Variants in LRRFIP1 observed in about 807,000 individuals in gnomAD.
LRRFIP1 encodes the protein leucine-rich repeat flightless-interacting protein 1.
LRRFIP1 carries 62 observed loss-of-function variants against 104.4 expected under a neutral mutation model. That is an observed-to-expected ratio of 0.59 (90% confidence interval 0.48 to 0.73). The LOEUF is 0.73. Ranked by LOEUF, LRRFIP1 falls within the 30% of genes least tolerant of loss-of-function variation. The pLI is 0.00. For synonymous variants in LRRFIP1, 300 were observed against 299.0 expected, an observed-to-expected ratio of 1.00 and a Z score of -0.03; for missense variants, 796 against 824.5, an observed-to-expected ratio of 0.97 and a Z score of 0.42.
rs2093667694 is a variant in LRRFIP1 at position 237,703,868 on chromosome 2, A to G, written c.97-4676A>G. ...CCTCCCCGGGCCACGGTCAGCCCAC[A>G]GGCTACTCACAGAAAGTGACAGGCC... On this transcript the variant is annotated intron_variant, in intron 1 of 23. Coordinates refer to ENST00000308482, the MANE Select transcript of LRRFIP1 (RefSeq NM_001137550.2). The surrounding 1 kb of genome is among the most constrained non-coding windows in gnomAD (Gnocchi z 4.3). Among the ~76,000 whole-genome samples the G allele has an allele frequency of 6.6e-6, 1 of 152,078 alleles. No individual in the cohort carries two copies. Among genetic ancestry groups the G allele is most frequent in the African/African-American group, 2.4e-5 (1 of 41,418 alleles).
At chr2:237,710,580 C>G (rs2094023147) in intron 2 of LRRFIP1, among the ~76,000 whole-genome samples, 1 of 152,136 alleles carries the variant, frequency 6.6e-6, no homozygotes, top group South Asian at 2.1e-4. Context: ...AGCCATCACA[C>G]CGGCCCCATA....
At chr2:237,744,585 A>T (rs1459873739) in intron 11 of LRRFIP1, among the ~76,000 whole-genome samples, 2 of 152,250 alleles carry the variant, frequency 1.3e-5, no homozygotes, top group African/African-American at 4.8e-5. Context: ...TCCTTGAAGC[A>T]TTTGTTTTTG....
intron 1 of LRRFIP1, among the ~76,000 whole-genome samples, chr2:237,686,186 A>G: frequency 6.6e-6 from 1 of 152,164 alleles, no homozygotes; most frequent in Non-Finnish European, 1.5e-5. Flanking sequence ...GGTGCCTGTT[A>G]GACTCCTCCA....
At chr2:237,762,235 A>G (rs1187719662) in intron 19 of LRRFIP1, among the ~76,000 whole-genome samples, 1 of 152,224 alleles carries the variant, frequency 6.6e-6, no homozygotes, top group Non-Finnish European at 1.5e-5. Flanking sequence ...TTGAGAAGTG[A>G]GAGTGGGGAA....
At chr2:237,738,190 G>T (rs559185274) in intron 10 of LRRFIP1, among the ~76,000 whole-genome samples, 16 of 149,518 alleles carry the variant, frequency 1.1e-4, no homozygotes, top group African/African-American at 3.2e-4. Context: ...GATGAGATCT[G>T]GAGCACCCAT....
intron 8 of LRRFIP1, among the ~76,000 whole-genome samples, chr2:237,732,264 T>C (rs887604689): frequency 2.0e-5 from 3 of 152,166 alleles, no homozygotes; most frequent in East Asian, 1.9e-4. Flanking sequence ...TGGACTGATG[T>C]ACCTTTGCGA....
chr2:237,719,591 C>T (rs2094465342), intron 5 of LRRFIP1, 24 bp downstream of exon 5: 1 of 1,590,168 alleles, frequency 6.3e-7, no homozygotes, highest in Non-Finnish European at 8.6e-7. Flanking sequence ...TCATTCATTA[C>T]TTGGGCAATT....
chr2:237,682,788 AAAG>A (rs1395043055), intron 1 of LRRFIP1, among the ~76,000 whole-genome samples: 5 of 152,216 alleles, frequency 3.3e-5, no homozygotes, highest in African/African-American at 1.2e-4. Flanking sequence ...TCACTGGATG[AAAG>A]AAGAAGGCAA....
At chr2:237,722,369 A>G (rs1056517394) in intron 6 of LRRFIP1, among the ~76,000 whole-genome samples, 2 of 152,204 alleles carry the variant, frequency 1.3e-5, no homozygotes, top group African/African-American at 2.4e-5. Flanking sequence ...AAGAATGTTC[A>G]GTTTCTTCAG....
intron 19 of LRRFIP1, 160 bp from the exon 20 acceptor site, chr2:237,769,783 A>G (rs1279294601): frequency 3.2e-5 from 20 of 633,558 alleles, no homozygotes; most frequent in South Asian, 1.7e-4. Flanking sequence ...CTGTGGCCTC[A>G]TTCACCCCGT....
intron 4 of LRRFIP1, 90 bp from the exon 5 acceptor site, chr2:237,719,433 A>G (rs568052393): frequency 2.4e-5 from 19 of 801,814 alleles, no homozygotes; most frequent in Middle Eastern, 2.2e-4. Flanking sequence ...CTGCTGTATT[A>G]TGGTGCAGTG....
intron 15 of LRRFIP1, among the ~76,000 whole-genome samples, chr2:237,755,274 C>T (rs1208306792): frequency 6.6e-6 from 1 of 152,174 alleles, no homozygotes; most frequent in Non-Finnish European, 1.5e-5. Context: ...TCCATTTGCT[C>T]CCCCAAACTC....
Position 237,733,764 on chromosome 2 carries a change from C to T in LRRFIP1, c.445-10C>T, listed in dbSNP as rs2095119233. 2 of 1,613,874 alleles carry T rather than the reference C, an allele frequency of 1.2e-6. No homozygotes were observed. The highest frequency in any genetic ancestry group is 2.7e-5 in the African/African-American group (2 of 74,946). The stretch of plus-strand genomic sequence containing the variant: ...GCTTTTAAAACCTGCCATTTGCTTT[C>T]ATCCTCCAGCCCTCCTGTCTGTACA... On this transcript the variant is annotated splice_polypyrimidine_tract_variant and intron_variant, in intron 8 of 23. Transcript: ENST00000308482.
chr2:237,717,163 CA>C lies in LRRFIP1; in HGVS notation c.202-598del, dbSNP rs1196355900. Among the ~76,000 whole-genome samples, 1 of 152,152 alleles carries C rather than the reference CA, an allele frequency of 6.6e-6. No homozygotes were observed. The highest frequency in any genetic ancestry group is 1.5e-5 in the Non-Finnish European group (1 of 68,026). On this transcript the variant is annotated intron_variant, in intron 3 of 23. Transcript: ENST00000308482. This position sits in a 1 kb window ranked among gnomAD's most constrained non-coding sequence, Gnocchi z 4.2. ...CAGACATACATAACTTGTGGGTCTG[CA>C]TATTTTTCTTCTGTACAAAGACCTC...
intron 12 of LRRFIP1, among the ~76,000 whole-genome samples, chr2:237,748,964 G>A (rs950918231): frequency 6.6e-6 from 1 of 152,102 alleles, no homozygotes; most frequent in African/African-American, 2.4e-5. Context: ...TTCACAAGGC[G>A]ACAGGAGAGA....
intron 22 of LRRFIP1, chr2:237,774,135 G>A: frequency 1.9e-6 from 1 of 515,484 alleles, no homozygotes; most frequent in Non-Finnish European, 3.5e-6. Context: ...GACGGGGTCA[G>A]AGGAAATGGG....
rs1461256726 is a variant in LRRFIP1 at position 237,691,937 on chromosome 2, C to G, written c.97-16607C>G. On this transcript the variant is annotated intron_variant, in intron 1 of 23. Transcript: ENST00000308482. This position sits in a 1 kb window ranked among gnomAD's most constrained non-coding sequence, Gnocchi z 5.4. ...CGGGGCGGGGCTCGCGTTAAGGGAG[C>G]GCGGAAGGGCGGGACAGGCCGTGGG... Among the ~76,000 whole-genome samples, 2 of 116,954 alleles carry G rather than the reference C, an allele frequency of 1.7e-5. No individual in the cohort carries two copies. The highest frequency in any genetic ancestry group is 3.5e-5 in the Non-Finnish European group (2 of 56,634). The allele number at this position is 116,954 out of a possible 152,430, so 76.7% of individuals were successfully genotyped here.
At chr2:237,694,938 G>C (rs1050183088) in intron 1 of LRRFIP1, among the ~76,000 whole-genome samples, 2 of 152,238 alleles carry the variant, frequency 1.3e-5, no homozygotes, top group Non-Finnish European at 2.9e-5. Context: ...TGTTAGGGGA[G>C]AGCGTGGACA....
Position 237,723,579 on chromosome 2 carries a change from A to T in LRRFIP1, c.377A>T (p.Tyr126Phe). ...CCTGACTTGGAGTATGGGGGTCCTT[A>T]CGCCTGGGTGAGATGGTCGGATATA... ...SQPDLEYGGPYAWTNGYDGEL... is the reference protein window; with the variant it reads ...SQPDLEYGGPFAWTNGYDGEL... The change falls in exon 7 of 24, where the codon TAC becomes TTC. Residue 126 changes from tyrosine (Y) to phenylalanine (F), a missense_variant. Coordinates refer to ENST00000308482, the MANE Select transcript of LRRFIP1 (RefSeq NM_001137550.2). 6.2e-7 allele frequency: 1 copy of T among 1,613,618 alleles called. No individual in the cohort carries two copies. The highest frequency in any genetic ancestry group is 8.5e-7 in the Non-Finnish European group (1 of 1,179,842).
Sources: allele counts gnomAD v4.1 joint callset (sites outside exome capture counted in the v4.1 genomes callset), GRCh38; gene constraint gnomAD v4.1.1; non-coding constraint Gnocchi (gnomAD v3.1); transcripts MANE v1.5; gene names NCBI Gene and HGNC (gene_info 2026-07-23, HGNC 2026-07-21).